The following PRR33 variants were observed in gnomAD, a reference collection of about 807,000 sequenced individuals.
PRR33 encodes the protein proline-rich protein 33.
A neutral mutation model predicts 0.5 loss-of-function variants in PRR33; 1 was observed. That is an observed-to-expected ratio of 2.18 (90% CI 0.77 to 10.34). The LOEUF is 10.34. Among genes scored for constraint, PRR33 ranks in the 30% most tolerant of loss-of-function variants. The probability of loss-of-function intolerance (pLI) is 0.13; values close to 1 mark genes in which losing one functional copy is unlikely to be tolerated. For synonymous variants in PRR33, 226 were observed against 110.0 expected (o/e 2.06, Z -6.60); for missense variants, 552 against 251.8 (o/e 2.19, Z -8.07).
At chr11:1,909,960 A>T in the PRR33 span, among the ~76,000 whole-genome samples, 2 of 152,356 alleles carry the variant, frequency 1.3e-5, no homozygotes. Context: ...ACTATTGTTT[A>T]AATTTCATGT....
chr11:1,899,472 T>C, the PRR33 span, among the ~76,000 whole-genome samples: 1 of 152,240 alleles, frequency 6.6e-6, no homozygotes, highest in African/African-American at 2.4e-5. Context: ...GGTGAAAATA[T>C]ACTTAGGCAT....
chr11:1,907,099 T>C, the PRR33 span, among the ~76,000 whole-genome samples: 3 of 152,312 alleles, frequency 2.0e-5, no homozygotes, highest in African/African-American at 4.8e-5. Context: ...TTGAGAGCCA[T>C]TGTGTTGTGT....
At chr11:1,916,447 C>T in the PRR33 span, among the ~76,000 whole-genome samples, 1 of 152,108 alleles carries the variant, frequency 6.6e-6, no homozygotes, top group Non-Finnish European at 1.5e-5. Flanking sequence ...ATGCCCCAGC[C>T]ACTGAGAGAG....
At chr11:1,898,343 C>G in the PRR33 span, among the ~76,000 whole-genome samples, 1 of 152,042 alleles carries the variant, frequency 6.6e-6, no homozygotes, top group South Asian at 2.1e-4. Context: ...TCAAGCGATT[C>G]TCCTGCCTCA....
chr11:1,896,907 TA>T, the PRR33 span, among the ~76,000 whole-genome samples: 433 of 152,354 alleles, frequency 2.8e-3, 3 homozygotes, highest in African/African-American at 0.01. Flanking sequence ...TTAGACAAAT[TA>T]AATTTAACAG....
At chr11:1,896,208 T>A (rs1258646843), upstream of PRR33, among the ~76,000 whole-genome samples, 1 of 152,234 alleles carries the variant, frequency 6.6e-6, no homozygotes, top group African/African-American at 2.4e-5. Context: ...ATATGTGTTT[T>A]AGAATGGACC....
At chr11:1,917,371 T>C in the PRR33 span, among the ~76,000 whole-genome samples, 1 of 152,108 alleles carries the variant, frequency 6.6e-6, no homozygotes, top group Non-Finnish European at 1.5e-5. Flanking sequence ...GAGGCCATCC[T>C]CCCTCCCACA....
At chr11:1,910,385 G>A in the PRR33 span, among the ~76,000 whole-genome samples, 2 of 152,222 alleles carry the variant, frequency 1.3e-5, no homozygotes, top group Non-Finnish European at 1.5e-5. Flanking sequence ...GAGTAGCTGG[G>A]ATTACAGGCA....
At chr11:1,903,848 T>C in the PRR33 span, among the ~76,000 whole-genome samples, 6 of 152,202 alleles carry the variant, frequency 3.9e-5, no homozygotes, top group Non-Finnish European at 8.8e-5. Flanking sequence ...ACGAACATCC[T>C]TGTGAATGTC....
chr11:1,901,279 T>C, the PRR33 span, among the ~76,000 whole-genome samples: 1 of 150,230 alleles, frequency 6.7e-6, no homozygotes, highest in African/African-American at 2.5e-5. Flanking sequence ...GCCATTGCAC[T>C]CCAGCCTGGG....
At chr11:1,892,629 C>G (rs947506672), upstream of PRR33, among the ~76,000 whole-genome samples, 2 of 152,226 alleles carry the variant, frequency 1.3e-5, no homozygotes, top group Non-Finnish European at 2.9e-5. Context: ...GTTTGGAAAA[C>G]AGACAAATGG....
At chr11:1,906,471 A>G in the PRR33 span, among the ~76,000 whole-genome samples, 1 of 151,942 alleles carries the variant, frequency 6.6e-6, no homozygotes, top group Non-Finnish European at 1.5e-5. Context: ...ATAATTTTTT[A>G]TTGGAATGCA....
chr11:1,902,539 CTTAA>C, the PRR33 span: 1 of 151,876 alleles, frequency 6.6e-6, no homozygotes, highest in East Asian at 1.9e-4. Flanking sequence ...TTTTCTTTGT[CTTAA>C]TTAATTTATA....
chr11:1,899,921 C>G, the PRR33 span, among the ~76,000 whole-genome samples: 1 of 151,988 alleles, frequency 6.6e-6, no homozygotes, highest in African/African-American at 2.4e-5. Flanking sequence ...CATCAAGTAG[C>G]AGAAGTGTAA....
At chr11:1,901,777 C>T in the PRR33 span, among the ~76,000 whole-genome samples, 1 of 152,172 alleles carries the variant, frequency 6.6e-6, no homozygotes, top group Non-Finnish European at 1.5e-5. Flanking sequence ...AAAGGTAAGA[C>T]TTGTTACGTA....
At chr11:1,912,311 T>A in the PRR33 span, among the ~76,000 whole-genome samples, 1 of 152,082 alleles carries the variant, frequency 6.6e-6, no homozygotes, top group Non-Finnish European at 1.5e-5. Flanking sequence ...TTTGCACCCC[T>A]GATTCGGAAT....
At chr11:1,915,365 TCA>T in the PRR33 span, among the ~76,000 whole-genome samples, 5 of 147,716 alleles carry the variant, frequency 3.4e-5, no homozygotes, top group Non-Finnish European at 6.0e-5. Context: ...TGTTGTGGGG[TCA>T]CACACGTGGG....
chr11:1,899,765 G>A, the PRR33 span, among the ~76,000 whole-genome samples: 8 of 152,206 alleles, frequency 5.3e-5, no homozygotes, highest in Non-Finnish European at 8.8e-5. Flanking sequence ...CTCAAGGGAC[G>A]TCCCATGAGA....
chr11:1,892,614 T>C (rs538020299), upstream of PRR33, among the ~76,000 whole-genome samples: 2 of 152,328 alleles, frequency 1.3e-5, no homozygotes, highest in African/African-American at 4.8e-5. Context: ...AGGTGCTCAG[T>C]GAAGGTTTGG....
Sources: gnomAD v4.1 joint callset for allele counts (sites outside exome capture counted in the v4.1 genomes callset) on GRCh38, gnomAD v4.1.1 for gene constraint, MANE v1.5 for transcripts, NCBI Gene and HGNC (gene_info 2026-07-23, HGNC 2026-07-21) for gene names.